FKBP5: variants seen among roughly 807,000 people sequenced by gnomAD.
FKBP5 encodes FKBP prolyl isomerase 5.
A neutral mutation model predicts 50.5 loss-of-function variants in FKBP5; 23 were observed. That is an observed-to-expected ratio of 0.46 (90% CI 0.33 to 0.65). FKBP5 has a LOEUF of 0.65. Ranked by LOEUF, FKBP5 falls within the 30% of genes least tolerant of loss-of-function variation. The pLI, the probability that FKBP5 is intolerant of heterozygous loss-of-function variation, is 0.02. For missense variants in FKBP5, 411 were observed against 553.1 expected (o/e 0.74, Z 2.58); for synonymous variants, 176 against 190.6 (o/e 0.92, Z 0.63).
chr6:35,719,946 C>A (rs1388697268), intron 2 of FKBP5, among the ~76,000 whole-genome samples: 1 of 152,210 alleles, frequency 6.6e-6, no homozygotes, highest in Admixed American at 6.5e-5. Flanking sequence ...GAGAACTGTG[C>A]CTTCCCTGCA....
intron 2 of FKBP5, among the ~76,000 whole-genome samples, chr6:35,713,916 C>T (rs1488306066): frequency 1.3e-5 from 2 of 152,102 alleles, no homozygotes; most frequent in Admixed American, 6.5e-5. Context: ...TCTGTCAAGA[C>T]TCAGCCCAAA....
At chr6:35,637,383 CTATT>C (rs766056950) in intron 2 of FKBP5, among the ~76,000 whole-genome samples, 10 of 151,062 alleles carry the variant, frequency 6.6e-5, no homozygotes, top group Non-Finnish European at 1.3e-4. Flanking sequence ...GCTAATCGCA[CTATT>C]TATTCCTTCA....
chr6:35,589,110 T>TTATA (rs1169766848), intron 7 of FKBP5, among the ~76,000 whole-genome samples: 280 of 102,946 alleles, frequency 2.7e-3, no homozygotes, highest in Middle Eastern at 5.5e-3. Context: ...ATATATATTT[T>TTATA]TATATATATA....
chr6:35,586,331 C>T (rs951160767), intron 8 of FKBP5: 50 of 984,986 alleles, frequency 5.1e-5, no homozygotes, highest in Non-Finnish European at 5.9e-5. Flanking sequence ...CAGGAATATC[C>T]GGAGATTCCT....
chr6:35,643,985 A>G (rs1048030192), intron 1 of FKBP5, among the ~76,000 whole-genome samples: 8 of 152,196 alleles, frequency 5.3e-5, no homozygotes, highest in African/African-American at 1.9e-4. Context: ...TGCTCCTTAC[A>G]AGCTGTTTGA....
chr6:35,684,946 G>A (rs1377830253), intron 1 of FKBP5, among the ~76,000 whole-genome samples: 1 of 151,912 alleles, frequency 6.6e-6, no homozygotes, highest in Non-Finnish European at 1.5e-5. Context: ...GAGGTGGGAG[G>A]ATCACTTGAG....
intron 1 of FKBP5, among the ~76,000 whole-genome samples, chr6:35,650,765 C>T (rs188546110): frequency 4.6e-5 from 7 of 152,194 alleles, no homozygotes; most frequent in East Asian, 3.9e-4. Context: ...CATGAGCCAC[C>T]GCACCTGGCA....
intron 8 of FKBP5, chr6:35,582,715 TC>T: frequency 3.3e-5 from 33 of 985,332 alleles, no homozygotes; most frequent in Non-Finnish European, 4.0e-5. Flanking sequence ...GGCCTACCAC[TC>T]CTTTTTTGGA....
At chr6:35,646,353 T>C (rs1345501121) in intron 1 of FKBP5, among the ~76,000 whole-genome samples, 1 of 152,168 alleles carries the variant, frequency 6.6e-6, no homozygotes, top group Non-Finnish European at 1.5e-5. Context: ...ACTGAGTCCA[T>C]ATGAAGAGAA....
chr6:35,581,133 T>G, intron 8 of FKBP5: 1 of 962,108 alleles, frequency 1.0e-6, no homozygotes, highest in Non-Finnish European at 1.2e-6. Flanking sequence ...CAGCAAACTG[T>G]AGTTTGCTGA....
At chr6:35,597,182 G>GA in intron 6 of FKBP5, 66 bp downstream of exon 6, 1 of 1,558,528 alleles carries the variant, frequency 6.4e-7, no homozygotes, top group Non-Finnish European at 8.7e-7. Flanking sequence ...AACACTGAAT[G>GA]AAAAAGCAAG....
chr6:35,575,532 G>A lies in FKBP5; in HGVS notation c.*303C>T. ...TGTTAGGATGATCTCCAGGGACCCT[G>A]AATTGGATACTTGAAGGTTGATAGA... is the stretch of plus-strand genomic sequence containing the variant. On this transcript the variant is annotated 3_prime_UTR_variant, in exon 11 of 11. Transcript: ENST00000357266. 3.2e-6 allele frequency: 1 copy of A among 312,130 alleles called. No homozygotes were observed. The highest frequency in any genetic ancestry group is 6.1e-6 in the Non-Finnish European group (1 of 164,556). The allele number at this position is 312,130 out of a possible 1,614,324, so 19.3% of individuals were successfully genotyped here.
intron 7 of FKBP5, among the ~76,000 whole-genome samples, chr6:35,589,132 T>TATATATATATATATATATATATATATA (rs1561846651): frequency 5.4e-5 from 7 of 129,088 alleles, no homozygotes; most frequent in African/African-American, 2.0e-4. Context: ...ATATATATTT[T>TATATATATATATATATATATATATATA]TTTTTTTTTC....
intron 1 of FKBP5, among the ~76,000 whole-genome samples, chr6:35,682,021 C>G (rs1765677364): frequency 6.6e-6 from 1 of 150,772 alleles, no homozygotes; most frequent in South Asian, 2.1e-4. Flanking sequence ...CTTAACCTAA[C>G]AATAACTCAA....
chr6:35,579,623 A>C (rs1436348207), intron 9 of FKBP5, among the ~76,000 whole-genome samples: 1 of 152,182 alleles, frequency 6.6e-6, no homozygotes, highest in Non-Finnish European at 1.5e-5. Context: ...GATTATAATA[A>C]AAATTGACCT....
At chr6:35,636,163 TA>T (rs1291601914) in intron 3 of FKBP5, among the ~76,000 whole-genome samples, 2 of 152,210 alleles carry the variant, frequency 1.3e-5, no homozygotes, top group East Asian at 3.8e-4. Context: ...ATTGTATATT[TA>T]AAACCACATT....
intron 3 of FKBP5, among the ~76,000 whole-genome samples, chr6:35,628,507 G>A (rs1370749019): frequency 6.6e-6 from 1 of 152,128 alleles, no homozygotes; most frequent in African/African-American, 2.4e-5. Flanking sequence ...AAATGCATCT[G>A]ATTCATTCCT....
rs146257681 is a variant in FKBP5, at chr6:35,694,201, G to A, written c.-20+26127C>T. On this transcript the variant is annotated intron_variant, in intron 2 of 11. Coordinates refer to the FKBP5 transcript ENST00000536438. ...CACTCTGTCACCTAGGCCGGAGTGC[G>A]GTGGCGTGATCATGGCTCACTGCAG... 5.2e-3 allele frequency among the ~76,000 whole-genome samples: 793 copies of A among 152,166 alleles called. 3 individuals carry two copies. The highest frequency in any genetic ancestry group is 0.014 in the Middle Eastern group (4 of 294).
chr6:35,688,185 G>A (rs1765889601), intron 1 of FKBP5, among the ~76,000 whole-genome samples: 1 of 152,222 alleles, frequency 6.6e-6, no homozygotes, highest in East Asian at 1.9e-4. Context: ...AGGTGAAGGC[G>A]GGGACCGCCC....
Sources: gnomAD v4.1 joint callset for allele counts (sites outside exome capture counted in the v4.1 genomes callset) on GRCh38, gnomAD v4.1.1 for gene constraint, MANE v1.5 for transcripts, NCBI Gene and HGNC (gene_info 2026-07-23, HGNC 2026-07-21) for gene names.